The following AGAP1 variants were observed in gnomAD, a reference collection of about 807,000 sequenced individuals.
The protein encoded by AGAP1 is ArfGAP with GTPase domain, ankyrin repeat and PH domain 1.
AGAP1 carries 29 observed loss-of-function variants against 105.3 expected under a neutral mutation model. That is an observed-to-expected ratio of 0.28 (90% CI 0.21 to 0.38). AGAP1 has a LOEUF of 0.38. AGAP1 is among the 10% of genes least tolerant of loss of function. The probability of loss-of-function intolerance (pLI) is 1.00; values close to 1 mark genes in which losing one functional copy is unlikely to be tolerated. For synonymous variants in AGAP1, 509 were observed against 485.9 expected (o/e 1.05, Z -0.63); for missense variants, 998 against 1,165.1 (o/e 0.86, Z 2.09).
chr2:235,748,684 A>G (rs930604855), intron 5 of AGAP1, among the ~76,000 whole-genome samples: 6 of 152,220 alleles, frequency 3.9e-5, no homozygotes, highest in Non-Finnish European at 8.8e-5. Context: ...AAAAAACTGA[A>G]TAAATTCCTC....
rs190405736 is a variant in AGAP1 at position 236,012,352 on chromosome 2, T to C, written c.1646-24209T>C. Among the ~76,000 whole-genome samples, 24 of 152,256 alleles carry C rather than the reference T, an allele frequency of 1.6e-4. No individual in the cohort carries two copies. The highest frequency in any genetic ancestry group is 3.1e-4 in the Non-Finnish European group (21 of 68,016). ...AAATATTGCTGCAAGAGGTAAGTTG[T>C]ACTCTTGAGGAGTGCAGCCTTCTCA... On this transcript the variant is annotated intron_variant, in intron 13 of 17. Coordinates refer to ENST00000304032, the MANE Select transcript of AGAP1 (RefSeq NM_001037131.3). The surrounding 1 kb of genome is among the most constrained non-coding windows in gnomAD (Gnocchi z 4.9).
At chr2:236,102,049 A>G (rs2059359337) in intron 16 of AGAP1, among the ~76,000 whole-genome samples, 1 of 152,194 alleles carries the variant, frequency 6.6e-6, no homozygotes, top group African/African-American at 2.4e-5. Context: ...TGGGAGGCTG[A>G]GGCAGGCAGA....
chr2:236,085,922 T>C (rs2125852113), intron 16 of AGAP1, among the ~76,000 whole-genome samples: 1 of 152,386 alleles, frequency 6.6e-6, no homozygotes, highest in East Asian at 1.9e-4. Flanking sequence ...CGTGGGTTCA[T>C]CTGGCTGCCA....
Position 235,721,619 on chromosome 2 carries a change from G to A in AGAP1, c.310+3975G>A, listed in dbSNP as rs1951389700. ...GTATTCTCATAGTTCTCAGAAGTCT[G>A]AAATCAAGGTGTTGACGGGGTTGGT... On this transcript the variant is annotated intron_variant, in intron 3 of 17. Transcript: ENST00000304032. This position sits in a 1 kb window ranked among gnomAD's most constrained non-coding sequence, Gnocchi z 4.5. Among the ~76,000 whole-genome samples the A allele has an allele frequency of 6.6e-6, 1 of 152,238 alleles. No homozygotes were observed. Among genetic ancestry groups the A allele is most frequent in the Non-Finnish European group, 1.5e-5 (1 of 68,042 alleles).
At chr2:235,779,082 C>T (rs966188697) in intron 6 of AGAP1, among the ~76,000 whole-genome samples, 2 of 152,188 alleles carry the variant, frequency 1.3e-5, no homozygotes, top group Admixed American at 1.3e-4. Context: ...AGCTGGGAAC[C>T]CAGGCAGTCA....
intron 1 of AGAP1, among the ~76,000 whole-genome samples, chr2:235,518,507 T>C (rs1423974325): frequency 6.6e-6 from 1 of 151,824 alleles, no homozygotes; most frequent in Non-Finnish European, 1.5e-5. Context: ...TTGGATTTCC[T>C]CTGTTTCTGA....
rs529339891 is a variant in AGAP1, at chr2:235,842,335, G to A, written c.1050+35004G>A. The stretch of plus-strand genomic sequence containing the variant: ...AATGTAGGCAACGATCCACAGTGGT[G>A]TTTTGTTAGCAGAACCTGTGACTTT... On this transcript the variant is annotated intron_variant, in intron 9 of 17. Coordinates refer to ENST00000304032, the MANE Select transcript of AGAP1 (RefSeq NM_001037131.3). The surrounding 1 kb of genome is among the most constrained non-coding windows in gnomAD (Gnocchi z 5.3). Among the ~76,000 whole-genome samples the A allele has an allele frequency of 1.3e-5, 2 of 152,322 alleles. No individual in the cohort carries two copies. The highest frequency in any genetic ancestry group is 4.8e-5 in the African/African-American group (2 of 41,570).
rs1953299305 is a variant in AGAP1 at position 235,750,012 on chromosome 2, G to A, written c.539-342G>A. On this transcript the variant is annotated intron_variant, in intron 5 of 17. Transcript: ENST00000304032. The surrounding 1 kb of genome is among the most constrained non-coding windows in gnomAD (Gnocchi z 5.3). ...GAGTATGCTTAGCCACCTGCGTGGT[G>A]CACAGAAGGGGGCCTGCACATAGGG... Among the ~76,000 whole-genome samples the A allele has an allele frequency of 6.6e-6, 1 of 152,082 alleles. No homozygotes were observed. The highest frequency in any genetic ancestry group is 1.5e-5 in the Non-Finnish European group (1 of 68,006).
intron 1 of AGAP1, among the ~76,000 whole-genome samples, chr2:235,694,707 C>T (rs1297576852): frequency 6.6e-6 from 1 of 152,184 alleles, no homozygotes; most frequent in Non-Finnish European, 1.5e-5. Context: ...ACTTGCTCCT[C>T]CTCGTCTTGC....
chr2:235,897,061 T>C (rs2050840850), intron 10 of AGAP1, among the ~76,000 whole-genome samples: 1 of 152,214 alleles, frequency 6.6e-6, no homozygotes, highest in Non-Finnish European at 1.5e-5. Context: ...TTTCTTTTTT[T>C]GTTTGTTTTT....
chr2:235,634,438 G>A (rs1314638868), intron 1 of AGAP1, among the ~76,000 whole-genome samples: 1 of 152,160 alleles, frequency 6.6e-6, no homozygotes, highest in Non-Finnish European at 1.5e-5. Context: ...GATGGGACTC[G>A]GTCCTGTCAC....
Position 235,815,971 on chromosome 2 carries a change from C to T in AGAP1, c.1050+8640C>T, listed in dbSNP as rs764298704. On this transcript the variant is annotated intron_variant, in intron 9 of 17. Transcript: ENST00000304032. ...TTGCGGAGGCAGCTCCTCAGGGCCG[C>T]GGGTAAATGTTGGGCCTGTAGCTGG... Among the ~76,000 whole-genome samples the T allele has an allele frequency of 4.8e-4, 73 of 152,236 alleles. 2 individuals carry two copies. The highest frequency in any genetic ancestry group is 8.5e-4 in the Admixed American group (13 of 15,300).
At position 235,893,239 on chromosome 2, in the gene AGAP1, G is replaced by A. The variant is rs748445099; in HGVS notation, c.1155+9790G>A. On this transcript the variant is annotated intron_variant, in intron 10 of 17. Transcript: ENST00000304032. The surrounding 1 kb of genome is among the most constrained non-coding windows in gnomAD (Gnocchi z 4.7). ...CATAATGAAGCACCATGTCTGTAGC[G>A]CGGGTGTGCCATGTCCATCATAAGG... Among the ~76,000 whole-genome samples the A allele has an allele frequency of 3.3e-5, 5 of 151,458 alleles. No homozygotes were observed. The highest frequency in any genetic ancestry group is 2.0e-4 in the Admixed American group (3 of 15,216).
rs2059177607 is a variant in AGAP1 at position 236,095,787 on chromosome 2, GCA to G, written c.2115-24402_2115-24401del. ...GTTCAGGGCTAGATTATGGATAGTT[GCA>G]CAGAGATAGTCCCTAAGAGCTGGCC... is the stretch of plus-strand genomic sequence containing the variant. On this transcript the variant is annotated intron_variant, in intron 16 of 17. Coordinates refer to ENST00000304032, the MANE Select transcript of AGAP1 (RefSeq NM_001037131.3). The surrounding 1 kb of genome is among the most constrained non-coding windows in gnomAD (Gnocchi z 4.1). 6.6e-6 allele frequency among the ~76,000 whole-genome samples: 1 copy of G among 152,194 alleles called. No homozygotes were observed. Among genetic ancestry groups the G allele is most frequent in the Non-Finnish European group, 1.5e-5 (1 of 68,044 alleles).
intron 13 of AGAP1, among the ~76,000 whole-genome samples, chr2:235,997,111 C>T (rs559944892): frequency 6.6e-6 from 1 of 152,222 alleles, no homozygotes; most frequent in Non-Finnish European, 1.5e-5. Flanking sequence ...GTTGTTGTTA[C>T]GGAGTTTCAC....
chr2:235,721,809 CTTG>C lies in AGAP1; in HGVS notation c.310+4167_310+4169del, dbSNP rs1951400962. On this transcript the variant is annotated intron_variant, in intron 3 of 17. Coordinates refer to ENST00000304032, the MANE Select transcript of AGAP1 (RefSeq NM_001037131.3). The surrounding 1 kb of genome is among the most constrained non-coding windows in gnomAD (Gnocchi z 4.5). ...CTTCCTGTCTTCAGGGGAGAGCTCT[CTTG>C]TGGTAGAAACATTTCTGGTGCAGAG... Among the ~76,000 whole-genome samples the C allele has an allele frequency of 6.6e-6, 1 of 151,960 alleles. No homozygotes were observed. Among genetic ancestry groups the C allele is most frequent in the South Asian group, 2.1e-4 (1 of 4,798 alleles).
At position 235,902,000 on chromosome 2, in the gene AGAP1, CAAT is replaced by C. The variant is rs1266514525; in HGVS notation, c.1156-6735_1156-6733del. Among the ~76,000 whole-genome samples, 13 of 151,984 alleles carry C rather than the reference CAAT, an allele frequency of 8.6e-5. No individual in the cohort carries two copies. Among genetic ancestry groups the C allele is most frequent in the African/African-American group, 2.7e-4 (11 of 41,362 alleles). On this transcript the variant is annotated intron_variant, in intron 10 of 17. Coordinates refer to ENST00000304032, the MANE Select transcript of AGAP1 (RefSeq NM_001037131.3). The surrounding 1 kb of genome is among the most constrained non-coding windows in gnomAD (Gnocchi z 4.3). ...AAAATATGTAATCCATTTAAAATAA[CAAT>C]AAACCACCCATTACATGTTAGTATA...
Position 236,042,545 on chromosome 2 carries a change from G to C in AGAP1, c.1891+1704G>C, listed in dbSNP as rs1351808501. ...AGCTTTTTTAAAAGCACGAATCTGAGAAATATTAGAACATCCATTAAGGAA... is the reference window on the plus strand; with the variant it reads ...AGCTTTTTTAAAAGCACGAATCTGACAAATATTAGAACATCCATTAAGGAA... On this transcript the variant is annotated intron_variant, in intron 15 of 17. Coordinates refer to ENST00000304032, the MANE Select transcript of AGAP1 (RefSeq NM_001037131.3). This position sits in a 1 kb window ranked among gnomAD's most constrained non-coding sequence, Gnocchi z 5.6. Among the ~76,000 whole-genome samples, 2 of 152,220 alleles carry C rather than the reference G, an allele frequency of 1.3e-5. No homozygotes were observed. The highest frequency in any genetic ancestry group is 2.9e-5 in the Non-Finnish European group (2 of 68,032).
rs2055633557 is a variant in AGAP1 at position 235,992,919 on chromosome 2, CTACCTGGGAG to C, written c.1645+24297_1645+24306del. Among the ~76,000 whole-genome samples, 1 of 152,172 alleles carries C rather than the reference CTACCTGGGAG, an allele frequency of 6.6e-6. No homozygotes were observed. Among genetic ancestry groups the C allele is most frequent in the Non-Finnish European group, 1.5e-5 (1 of 68,020 alleles). On this transcript the variant is annotated intron_variant, in intron 13 of 17. Coordinates refer to ENST00000304032, the MANE Select transcript of AGAP1 (RefSeq NM_001037131.3). The surrounding 1 kb of genome is among the most constrained non-coding windows in gnomAD (Gnocchi z 4.8). The stretch of plus-strand genomic sequence containing the variant: ...TGGACGTCTCTCCTTGACCTCCTCC[CTACCTGGGAG>C]AACCTGGCTGGCCACATAGTGGAAC...
Sources: gnomAD v4.1 joint callset for allele counts (sites outside exome capture counted in the v4.1 genomes callset) on GRCh38, gnomAD v4.1.1 for gene constraint, Gnocchi (gnomAD v3.1) non-coding constraint, MANE v1.5 for transcripts, NCBI Gene and HGNC (gene_info 2026-07-23, HGNC 2026-07-21) for gene names.